Variants in TANK observed in about 807,000 individuals in gnomAD.
The protein encoded by TANK is TRAF family member associated NFKB activator, also known as TRAF family member-associated NF-kappa-B activator.
TANK carries 15 observed loss-of-function variants against 43.6 expected under a neutral mutation model. That is an observed-to-expected ratio of 0.34 (90% CI 0.23 to 0.53). TANK has a LOEUF of 0.53. TANK is among the 20% of genes least tolerant of loss of function. The probability of loss-of-function intolerance (pLI) is 0.94; values close to 1 mark genes in which losing one functional copy is unlikely to be tolerated. For missense variants in TANK, 417 were observed against 498.6 expected (o/e 0.84, Z 1.56); for synonymous variants, 162 against 178.2 (o/e 0.91, Z 0.73).
chr2:161,169,092 A>G (rs1684827186), intron 1 of TANK, among the ~76,000 whole-genome samples: 1 of 152,196 alleles, frequency 6.6e-6, no homozygotes, highest in African/African-American at 2.4e-5. Flanking sequence ...GATTCAGGAG[A>G]CTGAAAATGA....
In TANK at chr2:161,203,468, C is replaced by G. The variant is rs1448784027; in HGVS notation, c.100-19C>G. The G allele has an allele frequency of 1.3e-6, 2 of 1,564,260 alleles. No individual in the cohort carries two copies. The highest frequency in any genetic ancestry group is 1.8e-6 in the Non-Finnish European group (2 of 1,142,602). ...TGTCTATCAGTGAATATCAGGCTAA[C>G]TGGTTTTTATGTCAGCAGACTGAGA... On this transcript the variant is annotated intron_variant, in intron 2 of 7. Coordinates refer to ENST00000392749, the MANE Select transcript of TANK (RefSeq NM_001199135.3).
intron 1 of TANK, among the ~76,000 whole-genome samples, chr2:161,170,007 AT>A (rs1684872086): frequency 6.6e-6 from 1 of 152,162 alleles, no homozygotes; most frequent in South Asian, 2.1e-4. Context: ...CACCTTCTTC[AT>A]TGTTGGGATG....
At chr2:161,204,966 G>C (rs1389184399) in intron 4 of TANK, 173 bp downstream of exon 4, 3 of 1,392,266 alleles carry the variant, frequency 2.2e-6, no homozygotes, top group Non-Finnish European at 2.8e-6. Context: ...AATAAAGGCT[G>C]AGGTTTTGTA....
intron 1 of TANK, among the ~76,000 whole-genome samples, chr2:161,174,950 C>T (rs574051501): frequency 1.3e-5 from 2 of 152,048 alleles, no homozygotes; most frequent in Non-Finnish European, 2.9e-5. Flanking sequence ...GGATGACTGC[C>T]GTTTGATAAT....
At chr2:161,223,735 G>A (rs1156568444) in intron 4 of TANK, 180 bp from the exon 5 acceptor site, 2 of 390,604 alleles carry the variant, frequency 5.1e-6, no homozygotes, top group Non-Finnish European at 9.4e-6. Flanking sequence ...CTTTTTCCTT[G>A]ATTTTTCTCA....
chr2:161,184,433 T>C lies in TANK; in HGVS notation c.99+4672T>C, dbSNP rs530892048. ...TTATGCACTTTAATATATGTATTGATATAAAATTATGTAGTTATATGATAC... is the reference window on the plus strand; with the variant it reads ...TTATGCACTTTAATATATGTATTGACATAAAATTATGTAGTTATATGATAC... On this transcript the variant is annotated intron_variant, in intron 2 of 7. Transcript: ENST00000392749. 2.6e-5 allele frequency among the ~76,000 whole-genome samples: 4 copies of C among 152,336 alleles called. No individual in the cohort carries two copies. The South Asian group carries it at 8.3e-4, about 32-fold the overall frequency.
At chr2:161,233,118 T>C (rs1688001684) in intron 7 of TANK, among the ~76,000 whole-genome samples, 1 of 152,168 alleles carries the variant, frequency 6.6e-6, no homozygotes, top group African/African-American at 2.4e-5. Flanking sequence ...GTACGGTGGT[T>C]CATGCCTATA....
chr2:161,185,724 A>T (rs1212983060), intron 2 of TANK, among the ~76,000 whole-genome samples: 2 of 57,024 alleles, frequency 3.5e-5, no homozygotes, highest in Admixed American at 5.5e-4. Flanking sequence ...GGGTGGGGGG[A>T]GGGGGGAGGG....
intron 1 of TANK, among the ~76,000 whole-genome samples, chr2:161,150,897 T>A (rs188555524): frequency 2.6e-5 from 4 of 152,318 alleles, no homozygotes. Context: ...AACTCTCACA[T>A]CTTTTTTAAT....
chr2:161,220,383 G>T (rs1687288475), intron 4 of TANK, among the ~76,000 whole-genome samples: 1 of 152,154 alleles, frequency 6.6e-6, no homozygotes, highest in African/African-American at 2.4e-5. Context: ...TGGGCAGATT[G>T]CCTGAGGTCA....
At chr2:161,178,337 A>G (rs1366374227) in intron 1 of TANK, among the ~76,000 whole-genome samples, 5 of 152,160 alleles carry the variant, frequency 3.3e-5, no homozygotes, top group African/African-American at 4.8e-5. Context: ...AAAGGAGTCA[A>G]GTACTGTTAC....
intron 4 of TANK, among the ~76,000 whole-genome samples, chr2:161,205,667 G>A (rs1686620318): frequency 1.3e-5 from 2 of 152,040 alleles, no homozygotes; most frequent in Non-Finnish European, 2.9e-5. Flanking sequence ...AAACTCTTTA[G>A]AAAAATTAAA....
intron 1 of TANK, among the ~76,000 whole-genome samples, chr2:161,173,024 C>T (rs1558973351): frequency 6.6e-6 from 1 of 152,088 alleles, no homozygotes; most frequent in Non-Finnish European, 1.5e-5. Flanking sequence ...CTCATTACTC[C>T]TTGTGTCAAC....
chr2:161,216,476 GA>G (rs1274276599), intron 4 of TANK: 1 of 454,146 alleles, frequency 2.2e-6, no homozygotes. Flanking sequence ...TGATAAAGCT[GA>G]ATCTAAAACT....
At chr2:161,215,903 C>G (rs1036374330) in intron 4 of TANK, among the ~76,000 whole-genome samples, 4 of 152,106 alleles carry the variant, frequency 2.6e-5, no homozygotes, top group Non-Finnish European at 4.4e-5. Context: ...TTTCTATATA[C>G]TTATGCTCTA....
intron 1 of TANK, 112 bp from the exon 2 acceptor site, chr2:161,179,502 C>G: frequency 1.1e-6 from 1 of 873,854 alleles, no homozygotes; most frequent in Non-Finnish European, 1.6e-6. Flanking sequence ...GTTTATAGTA[C>G]TTGGTGGTAT....
intron 1 of TANK, among the ~76,000 whole-genome samples, chr2:161,138,317 G>A (rs1427725049): frequency 6.6e-6 from 1 of 152,128 alleles, no homozygotes; most frequent in East Asian, 1.9e-4. Flanking sequence ...AAGCTTGTAA[G>A]TGGCAGAACC....
chr2:161,141,215 C>G (rs1263763121), intron 1 of TANK, among the ~76,000 whole-genome samples: 1 of 152,100 alleles, frequency 6.6e-6, no homozygotes, highest in South Asian at 2.1e-4. Context: ...AGCAGTTGTT[C>G]TGCATTTCTG....
Position 161,161,261 on chromosome 2 carries a change from A to G in TANK, c.-50+775A>G, listed in dbSNP as rs367638068. ...AAAGTAAAGCAGCCTTGCTATGTAA[A>G]GTGGTGTTTATCTCACCTCACAGGA... On this transcript the variant is annotated intron_variant, in intron 1 of 7. Coordinates refer to ENST00000392749, the MANE Select transcript of TANK (RefSeq NM_001199135.3). 4.5e-6 allele frequency: 7 copies of G among 1,550,080 alleles called. No individual in the cohort carries two copies. The South Asian group carries it at 4.8e-5, about 11-fold the overall frequency.
Sources: gnomAD v4.1 joint callset for allele counts (sites outside exome capture counted in the v4.1 genomes callset) on GRCh38, gnomAD v4.1.1 for gene constraint, MANE v1.5 for transcripts, NCBI Gene and HGNC (gene_info 2026-07-23, HGNC 2026-07-21) for gene names.